Variants in KRTCAP3 observed in about 807,000 individuals in gnomAD.
KRTCAP3 encodes the protein keratinocyte-associated protein 3.
A neutral mutation model predicts 20.5 loss-of-function variants in KRTCAP3; 18 were observed. The observed-to-expected ratio is 0.88, with a 90% CI of 0.61 to 1.31. The LOEUF is 1.31. Ranked by LOEUF, KRTCAP3 falls within the 50% of genes most tolerant of loss-of-function variation. The pLI, the probability that KRTCAP3 is intolerant of heterozygous loss-of-function variation, is 0.00. For missense variants in KRTCAP3, 347 were observed against 310.4 expected (o/e 1.12, Z -0.89); for synonymous variants, 167 against 133.7 (o/e 1.25, Z -1.72).
intron 6 of KRTCAP3, 27 bp downstream of exon 6, chr2:27,444,088 G>A (rs764727063): frequency 2.0e-5 from 25 of 1,276,702 alleles, no homozygotes; most frequent in South Asian, 9.6e-5. Flanking sequence ...GTGGTGGCCC[G>A]GGTAAGAGCG....
downstream of KRTCAP3, chr2:27,446,266 A>T (rs1160368460): frequency 1.9e-6 from 3 of 1,614,156 alleles, no homozygotes; most frequent in Non-Finnish European, 2.5e-6. Context: ...TCACCTTGGC[A>T]GCAATGCCTG....
Position 27,443,938 on chromosome 2 carries a change from T to A in KRTCAP3, c.616-11T>A. On this transcript the variant is annotated splice_polypyrimidine_tract_variant and intron_variant, in intron 5 of 6. Coordinates refer to ENST00000288873, the MANE Select transcript of KRTCAP3 (RefSeq NM_173853.4). ...CAGGGCGAGGGTGTCTAACTCTATC[T>A]TCTTCTGCAGCTAGAGGAAATGACA... 6.7e-7 allele frequency: 1 copy of A among 1,495,830 alleles called. No homozygotes were observed. Among genetic ancestry groups the A allele is most frequent in the Non-Finnish European group, 9.3e-7 (1 of 1,072,276 alleles). The allele number at this position is 1,495,830 out of a possible 1,614,324, so 92.7% of individuals were successfully genotyped here. A position where few individuals can be genotyped will look rare whatever the true frequency, so the allele number is the denominator to read the frequency against.
rs770173943 is a variant in KRTCAP3, at chr2:27,442,619, C to A, written c.69C>A (p.Leu23=). 2.6e-6 allele frequency: 4 copies of A among 1,568,346 alleles called. No homozygotes were observed. In the East Asian group the frequency reaches 6.8e-5, roughly 27 times the overall value. ...RGPRRLMRVG[L]ALILVGHVNL... is the part of the protein sequence containing the mutation. ...CCAGGCGGCTGATGCGTGTGGGCCTCGCGCTGATCTTGGTGGGCCACGTGA... is the reference window on the plus strand; with the variant it reads ...CCAGGCGGCTGATGCGTGTGGGCCTAGCGCTGATCTTGGTGGGCCACGTGA... Residue 23 remains leucine (L), a synonymous_variant, in exon 2 of 7, where the codon CTC becomes CTA. Coordinates refer to ENST00000288873, the MANE Select transcript of KRTCAP3 (RefSeq NM_173853.4).
In KRTCAP3 at chr2:27,444,173, C is replaced by T. The variant is rs766200814; in HGVS notation, c.*6-13C>T. 1.4e-5 allele frequency: 10 copies of T among 735,178 alleles called. No homozygotes were observed. The highest frequency in any genetic ancestry group is 2.7e-4 in the Middle Eastern group (1 of 3,654). The allele number at this position is 735,178 out of a possible 1,614,324, so 45.5% of individuals were successfully genotyped here. A position where few individuals can be genotyped will look rare whatever the true frequency, so the allele number is the denominator to read the frequency against. ...TTCCCCTCTGACCTGGGTTGGTTCTCCCCTCTGTCCAGCAGGTGCTGTTCC... is the reference window on the plus strand; with the variant it reads ...TTCCCCTCTGACCTGGGTTGGTTCTTCCCTCTGTCCAGCAGGTGCTGTTCC... On this transcript the variant is annotated splice_polypyrimidine_tract_variant and intron_variant, in intron 6 of 6. Coordinates refer to ENST00000288873, the MANE Select transcript of KRTCAP3 (RefSeq NM_173853.4).
In KRTCAP3 at chr2:27,442,708, C is replaced by G; in HGVS notation, c.158C>G (p.Ala53Gly). ...VLRHVANPRG[A>G]VTPEYTVANV... ...CGGCACGTGGCCAATCCCCGCGGCG[C>G]TGTCACGCCGGAGTACACCGTAGCC... Residue 53 changes from alanine to glycine, a missense_variant, in exon 2 of 7, where the codon GCT becomes GGT. By Grantham distance (60) the Ala-to-Gly change is moderately conservative. Transcript: ENST00000288873. The G allele has an allele frequency of 1.9e-6, 3 of 1,595,106 alleles. No homozygotes were observed. Among genetic ancestry groups the G allele is most frequent in the Non-Finnish European group, 2.6e-6 (3 of 1,169,768 alleles).
chr2:27,443,285 G>A lies in KRTCAP3; in HGVS notation c.480+5G>A. 5 of 1,613,954 alleles carry A rather than the reference G, an allele frequency of 3.1e-6. No homozygotes were observed. The South Asian group carries it at 5.5e-5, about 18-fold the overall frequency. On this transcript the variant is annotated splice_donor_5th_base_variant and intron_variant, in intron 4 of 6. Coordinates refer to ENST00000288873, the MANE Select transcript of KRTCAP3 (RefSeq NM_173853.4). ...TTTGACCCCACAAGAATCTATGTGA[G>A]CACATTCTCTTCCTTCTTGTGGTCT...
downstream of KRTCAP3, chr2:27,445,690 C>T (rs777376204): frequency 3.8e-5 from 60 of 1,589,864 alleles, no homozygotes; most frequent in Non-Finnish European, 4.9e-5. The surrounding 1 kb of genome is among the most constrained non-coding windows in gnomAD (Gnocchi z 4.4). Context: ...TATTCTCCCT[C>T]CTCAAGGCAC....
Position 27,442,575 on chromosome 2 carries a change from G to A in KRTCAP3, c.29-4G>A. On this transcript the variant is annotated splice_region_variant and splice_polypyrimidine_tract_variant and intron_variant, in intron 1 of 6. Coordinates refer to ENST00000288873, the MANE Select transcript of KRTCAP3 (RefSeq NM_173853.4). ...TCAACCCTGCCCTCCCCCGTGCTTT[G>A]CAGACGCCGCCCGGGGGCCCAGGCG... 6.6e-7 allele frequency: 1 copy of A among 1,522,918 alleles called. No individual in the cohort carries two copies. 94.3% of individuals were successfully genotyped at this position (1,522,918 alleles called of 1,614,324 possible).
downstream of KRTCAP3, chr2:27,445,163 TGAG>T (rs1423915197): frequency 1.2e-6 from 2 of 1,606,506 alleles, no homozygotes; most frequent in East Asian, 2.2e-5. This position sits in a 1 kb window ranked among gnomAD's most constrained non-coding sequence, Gnocchi z 4.4. Flanking sequence ...GAGGGAAAAA[TGAG>T]GAGCAGCCTG....
Position 27,442,621 on chromosome 2 carries a change from C to T in KRTCAP3, c.71C>T (p.Ala24Val). ...GPRRLMRVGLALILVGHVNLL... is the reference protein window; with the variant it reads ...GPRRLMRVGLVLILVGHVNLL... ...AGGCGGCTGATGCGTGTGGGCCTCGCGCTGATCTTGGTGGGCCACGTGAAC... is the reference window on the plus strand; with the variant it reads ...AGGCGGCTGATGCGTGTGGGCCTCGTGCTGATCTTGGTGGGCCACGTGAAC... The change falls in exon 2 of 7, where the codon GCG becomes GTG. Residue 24 changes from alanine (A) to valine (V), a missense_variant. By Grantham distance (64) the Ala-to-Val change is moderately conservative. Transcript: ENST00000288873. 1 of 1,569,628 alleles carries T rather than the reference C, an allele frequency of 6.4e-7. No homozygotes were observed. Among genetic ancestry groups the T allele is most frequent in the Non-Finnish European group, 8.6e-7 (1 of 1,158,540 alleles).
At chr2:27,444,888 A>T, downstream of KRTCAP3, 2 of 980,452 alleles carry the variant, frequency 2.0e-6, no homozygotes, top group Non-Finnish European at 3.0e-6. Flanking sequence ...ACCTCAGGTG[A>T]TCCGCCCACC....
Position 27,442,394 on chromosome 2 carries a change from G to T in KRTCAP3, c.-19G>T. ...CCGGGCCCAGGTACAGCGGCCCTGCGGCTGGCGCGGCGGACGGGATGAGGC... is the reference window on the plus strand; with the variant it reads ...CCGGGCCCAGGTACAGCGGCCCTGCTGCTGGCGCGGCGGACGGGATGAGGC... On this transcript the variant is annotated 5_prime_UTR_variant, in exon 1 of 7. Transcript: ENST00000288873. 2 of 1,549,380 alleles carry T rather than the reference G, an allele frequency of 1.3e-6. No individual in the cohort carries two copies. The highest frequency in any genetic ancestry group is 1.7e-6 in the Non-Finnish European group (2 of 1,148,018).
downstream of KRTCAP3, chr2:27,445,715 C>A (rs923445222): frequency 1.2e-6 from 2 of 1,611,962 alleles, no homozygotes; most frequent in Non-Finnish European, 1.7e-6. This position sits in a 1 kb window ranked among gnomAD's most constrained non-coding sequence, Gnocchi z 4.4. Flanking sequence ...ACTGGTGAGG[C>A]CTTCCGGTTT....
In KRTCAP3 at chr2:27,442,776, G is replaced by A. The variant is rs1664694317; in HGVS notation, c.213+13G>A. ...CTCGGGGCTGCTGGTGAGCGCGGCA[G>A]GCGACCCGGGCGGGGGCCGGGCTCC... On this transcript the variant is annotated intron_variant, in intron 2 of 6. Transcript: ENST00000288873. The A allele has an allele frequency of 1.2e-6, 2 of 1,610,754 alleles. No individual in the cohort carries two copies. Among genetic ancestry groups the A allele is most frequent in the Non-Finnish European group, 1.7e-6 (2 of 1,179,238 alleles).
At position 27,442,659 on chromosome 2, in the gene KRTCAP3, G is replaced by T. The variant is rs1310514166; in HGVS notation, c.109G>T (p.Ala37Ser). ...GGGCCACGTGAACCTGCTGCTGGGG[G>T]CCGTGCTGCATGGCACCGTCCTGCG... is the stretch of plus-strand genomic sequence containing the variant. ...LVGHVNLLLG[A>S]VLHGTVLRHV... Residue 37 changes from alanine to serine, a missense_variant, in exon 2 of 7, where the codon GCC becomes TCC. Transcript: ENST00000288873. 6.3e-7 allele frequency: 1 copy of T among 1,583,646 alleles called. No individual in the cohort carries two copies. The highest frequency in any genetic ancestry group is 8.6e-7 in the Non-Finnish European group (1 of 1,164,840).
chr2:27,446,092 C>A, downstream of KRTCAP3: 3 of 1,467,422 alleles, frequency 2.0e-6, no homozygotes, highest in Non-Finnish European at 2.9e-6. Context: ...GGCTTGAATG[C>A]TATTTCTCTG....
downstream of KRTCAP3, chr2:27,445,802 A>T: frequency 6.2e-7 from 1 of 1,614,162 alleles, no homozygotes; most frequent in Non-Finnish European, 8.5e-7. The surrounding 1 kb of genome is among the most constrained non-coding windows in gnomAD (Gnocchi z 4.4). Flanking sequence ...TATCCTGAAA[A>T]TCAGAGTGGT....
At chr2:27,444,164 G>A in intron 6 of KRTCAP3, 22 bp from the exon 7 acceptor site, 1 of 775,132 alleles carries the variant, frequency 1.3e-6, no homozygotes, top group South Asian at 1.6e-5. Context: ...TCTGACCTGG[G>A]TTGGTTCTCC....
At chr2:27,445,816 G>A, downstream of KRTCAP3, 1 of 1,614,168 alleles carries the variant, frequency 6.2e-7, no homozygotes, top group Non-Finnish European at 8.5e-7. This position sits in a 1 kb window ranked among gnomAD's most constrained non-coding sequence, Gnocchi z 4.4. Context: ...GAGTGGTCAA[G>A]GCCATCTAGA....
Sources: allele counts gnomAD v4.1 joint callset, GRCh38; gene constraint gnomAD v4.1.1; non-coding constraint Gnocchi (gnomAD v3.1); transcripts MANE v1.5; gene names NCBI Gene and HGNC (gene_info 2026-07-23, HGNC 2026-07-21).